Variants in IRAG1 observed in about 807,000 individuals in gnomAD.
The protein encoded by IRAG1 is IP3R-associated cGMP kinase substrate.
Under a neutral mutation model 106.2 loss-of-function variants are expected in IRAG1, and 62 were observed. The ratio of observed to expected loss-of-function variants is 0.58; its 90% confidence interval spans 0.48 to 0.72. The LOEUF is 0.72. Ranked by LOEUF, IRAG1 falls within the 30% of genes least tolerant of loss-of-function variation. The pLI is 0.00. For synonymous variants in IRAG1, 462 were observed against 443.9 expected, an observed-to-expected ratio of 1.04 and a Z score of -0.51; for missense variants, 1,064 against 1,140.7, an observed-to-expected ratio of 0.93 and a Z score of 0.97.
At chr11:10,681,686 A>G (rs1861271838) in intron 1 of IRAG1, among the ~76,000 whole-genome samples, 1 of 152,208 alleles carries the variant, frequency 6.6e-6, no homozygotes, top group African/African-American at 2.4e-5. Context: ...AGGCAGAACC[A>G]GGCCTACAAC....
At chr11:10,685,122 T>C (rs1444328855) in intron 1 of IRAG1, among the ~76,000 whole-genome samples, 2 of 152,168 alleles carry the variant, frequency 1.3e-5, no homozygotes, top group Non-Finnish European at 2.9e-5. Flanking sequence ...GTTTGTCTCC[T>C]ATCATATACT....
intron 18 of IRAG1, among the ~76,000 whole-genome samples, chr11:10,583,356 G>A (rs1851586543): frequency 6.6e-6 from 1 of 152,206 alleles, no homozygotes; most frequent in Non-Finnish European, 1.5e-5. Context: ...AGCAGCCAGA[G>A]AGGTAAGAGG....
Position 10,626,429 on chromosome 11 carries a change from G to A in IRAG1, c.905C>T (p.Thr302Ile), listed in dbSNP as rs1856250405. Residue 302 changes from threonine (T) to isoleucine (I), a missense_variant, in exon 9 of 21, where the codon ACA becomes ATA. Thr to Ile is a moderately conservative substitution (Grantham distance 89). Coordinates refer to ENST00000423302, the MANE Select transcript of IRAG1 (RefSeq NM_130385.4). ...NFDPLQYPET[T>I]PKGLAPVTNS... ...TGTAACAGGAGCTAGGCCTTTGGGT[G>A]TGGTCTCGGGGTACTGGAGGGGATC... 2 of 1,613,872 alleles carry A rather than the reference G, an allele frequency of 1.2e-6. No individual in the cohort carries two copies. Among genetic ancestry groups the A allele is most frequent in the African/African-American group, 1.3e-5 (1 of 74,952 alleles).
intron 3 of IRAG1, among the ~76,000 whole-genome samples, chr11:10,633,745 G>A (rs1014346003): frequency 5.3e-5 from 8 of 152,148 alleles, no homozygotes; most frequent in African/African-American, 1.4e-4. Flanking sequence ...TGGAGCCGTC[G>A]CAGAGCCAAA....
chr11:10,632,118 T>C, intron 3 of IRAG1, 57 bp from the exon 4 acceptor site: 1 of 1,137,502 alleles, frequency 8.8e-7, no homozygotes, highest in Non-Finnish European at 1.3e-6. Context: ...TGAAAATAGG[T>C]GAAAAGATGC....
chr11:10,655,792 A>G (rs2098840), intron 1 of IRAG1, among the ~76,000 whole-genome samples: 47,533 of 152,128 alleles, frequency 0.31, 8,726 homozygotes, highest in East Asian at 0.82. Context: ...TCTCTTCCAA[A>G]AAGAGCTTAA....
intron 2 of IRAG1, among the ~76,000 whole-genome samples, chr11:10,637,800 G>A (rs1857247867): frequency 6.6e-6 from 1 of 152,118 alleles, no homozygotes; most frequent in Non-Finnish European, 1.5e-5. Context: ...CAGTGGAACA[G>A]TATTCACAAG....
At chr11:10,609,683 G>A in intron 11 of IRAG1, 45 bp downstream of exon 11, 1 of 1,589,082 alleles carries the variant, frequency 6.3e-7, no homozygotes. Context: ...CCAACACAGG[G>A]GCCACTCGGT....
chr11:10,661,468 C>T (rs1020449598), intron 1 of IRAG1, among the ~76,000 whole-genome samples: 2 of 152,220 alleles, frequency 1.3e-5, no homozygotes, highest in African/African-American at 2.4e-5. Context: ...TTCTTGAGGT[C>T]AGAAGTTCAA....
intron 12 of IRAG1, among the ~76,000 whole-genome samples, chr11:10,606,129 T>C: frequency 6.6e-6 from 1 of 152,218 alleles, no homozygotes; most frequent in Non-Finnish European, 1.5e-5. Flanking sequence ...CTGTCTGTCT[T>C]CCTCTGCTTA....
chr11:10,601,143 G>C, intron 14 of IRAG1, 84 bp from the exon 15 acceptor site: 1 of 1,552,258 alleles, frequency 6.4e-7, no homozygotes, highest in Non-Finnish European at 8.7e-7. Context: ...TAGGGTCTGG[G>C]CTAGGAGAAT....
At chr11:10,634,323 G>A (rs994844679) in intron 2 of IRAG1, among the ~76,000 whole-genome samples, 7 of 152,108 alleles carry the variant, frequency 4.6e-5, no homozygotes, top group African/African-American at 7.2e-5. Context: ...ACATATTCAC[G>A]GCATACAGTG....
chr11:10,618,172 G>A (rs1564910198), intron 10 of IRAG1, among the ~76,000 whole-genome samples: 2 of 152,118 alleles, frequency 1.3e-5, no homozygotes, highest in African/African-American at 2.4e-5. Flanking sequence ...AGCACTAGAA[G>A]ATGCCTACAT....
At chr11:10,650,508 G>C (rs930955048) in intron 2 of IRAG1, among the ~76,000 whole-genome samples, 1 of 152,216 alleles carries the variant, frequency 6.6e-6, no homozygotes, top group Non-Finnish European at 1.5e-5. Flanking sequence ...TGTTAGTAAA[G>C]TAGAAGGGGC....
At position 10,693,561 on chromosome 11, in the gene IRAG1, T is replaced by G; in HGVS notation, c.42A>C (p.Gly14=). The G allele has an allele frequency of 2.0e-6, 3 of 1,535,558 alleles. No homozygotes were observed. The highest frequency in any genetic ancestry group is 2.6e-6 in the Non-Finnish European group (3 of 1,146,872). ...CTAAAACTGAGTTATTCTCCTTTCC[T>G]CCTCTGGCCAGCCTCTCTTCACTCT... ...APQSEERLAR[G]GKENNSVLAC... Residue 14 remains glycine, a synonymous_variant, in exon 1 of 21, where the codon GGA becomes GGC. Coordinates refer to ENST00000423302, the MANE Select transcript of IRAG1 (RefSeq NM_130385.4).
chr11:10,627,750 T>G lies in IRAG1; in HGVS notation c.716A>C (p.Glu239Ala), dbSNP rs201345963. ...LPGAPPQKGDEADVSSPHPGE... is the reference protein window; with the variant it reads ...LPGAPPQKGDAADVSSPHPGE... ...AGGGTGAGGTGAAGAGACGTCGGCC[T>G]CATCCCCCTTCTGCTGGAGAAGGTG... is the stretch of plus-strand genomic sequence containing the variant. The change falls in exon 8 of 21, where the codon GAG becomes GCG. Residue 239 changes from glutamate to alanine, a missense_variant. Coordinates refer to ENST00000423302, the MANE Select transcript of IRAG1 (RefSeq NM_130385.4). 1,756 of 1,613,970 alleles carry G rather than the reference T, an allele frequency of 1.1e-3. 4 individuals are homozygous for G. The highest frequency in any genetic ancestry group is 1.3e-3 in the Non-Finnish European group (1,571 of 1,179,888).
At chr11:10,644,371 T>G (rs1032507980) in intron 2 of IRAG1, among the ~76,000 whole-genome samples, 1 of 152,218 alleles carries the variant, frequency 6.6e-6, no homozygotes, top group Non-Finnish European at 1.5e-5. Context: ...TACTAATATT[T>G]TATTGATAAT....
chr11:10,693,742 C>G lies in IRAG1; in HGVS notation c.-140G>C. On this transcript the variant is annotated 5_prime_UTR_variant, in exon 1 of 21. Coordinates refer to ENST00000423302, the MANE Select transcript of IRAG1 (RefSeq NM_130385.4). ...CTGGGAGCCCCACTCCGGCCTGGCT[C>G]GGGGGATAATGGCAGGGAAAGCCGA... The G allele has an allele frequency of 2.0e-6, 2 of 1,019,892 alleles. No homozygotes were observed. Among genetic ancestry groups the G allele is most frequent in the Middle Eastern group, 6.3e-4 (2 of 3,168 alleles). 63.2% of individuals were successfully genotyped at this position (1,019,892 alleles called of 1,614,324 possible).
chr11:10,595,796 G>A (rs1853237546), intron 15 of IRAG1: 1 of 152,120 alleles, frequency 6.6e-6, no homozygotes, highest in African/African-American at 2.4e-5. Flanking sequence ...CGTCACCCAG[G>A]TATTAAGCCT....
Sources: gnomAD v4.1 joint callset for allele counts (sites outside exome capture counted in the v4.1 genomes callset) on GRCh38, gnomAD v4.1.1 for gene constraint, MANE v1.5 for transcripts, NCBI Gene and HGNC (gene_info 2026-07-23, HGNC 2026-07-21) for gene names.